IL1RAPL1: variants seen among roughly 807,000 people sequenced by gnomAD.
IL1RAPL1 encodes the protein interleukin 1 receptor accessory protein like 1.
In IL1RAPL1, 3 loss-of-function variants were observed where a neutral mutation model predicts 48.4. The observed-to-expected ratio is 0.06, with a 90% CI of 0.03 to 0.16. The LOEUF is 0.16. IL1RAPL1 is among the 10% of genes least tolerant of loss of function. IL1RAPL1 has a pLI of 1.00. For synonymous variants in IL1RAPL1, 185 were observed against 187.7 expected (o/e 0.99, Z 0.12); for missense variants, 349 against 530.6 (o/e 0.66, Z 3.36).
rs151275828 is a variant in IL1RAPL1 at position 28,811,315 on chromosome X, G to A, written c.82+21890G>A. 4.9e-3 allele frequency among the ~76,000 whole-genome samples: 545 copies of A among 110,841 alleles called. 1 individual carries two copies. Among genetic ancestry groups the A allele is most frequent in the Non-Finnish European group, 7.9e-3 (414 of 52,499 alleles). Reference sequence around the variant, plus strand: ...AAAGTTGCCAATATTATAATGAAGCGCATAGAAAAAGTGTGACCTATTGTA... The same window carrying A: ...AAAGTTGCCAATATTATAATGAAGCACATAGAAAAAGTGTGACCTATTGTA... On this transcript the variant is annotated intron_variant, in intron 2 of 10. Coordinates refer to ENST00000378993, the MANE Select transcript of IL1RAPL1 (RefSeq NM_014271.4).
rs774548926 is a variant in IL1RAPL1, at chrX:28,756,718, C to T, written c.-24-32602C>T. ...TTTCCATTTTTCTGTTTAATTGGAA[C>T]TTACATCAAACTTCTTACTTCCCAG... is the stretch of plus-strand genomic sequence containing the variant. On this transcript the variant is annotated intron_variant, in intron 1 of 10. Coordinates refer to ENST00000378993, the MANE Select transcript of IL1RAPL1 (RefSeq NM_014271.4). Among the ~76,000 whole-genome samples the T allele has an allele frequency of 2.7e-5, 3 of 111,956 alleles. No homozygotes were observed. In the South Asian group the frequency reaches 1.1e-3, roughly 42 times the overall value.
intron 5 of IL1RAPL1, among the ~76,000 whole-genome samples, chrX:29,661,292 A>G (rs1925839181): frequency 1.8e-5 from 2 of 112,294 alleles, no homozygotes; most frequent in African/African-American, 6.5e-5. Flanking sequence ...TCTTTCTTTC[A>G]AATTTGAATG....
rs911412602 is a variant in IL1RAPL1 at position 29,267,283 on chromosome X, T to C, written c.83-15655T>C. ...GAAAAGTTAACACTCTGATAGTGCTTTGTTTATGATTGAATAAGGTCACTT... is the reference window on the plus strand; with the variant it reads ...GAAAAGTTAACACTCTGATAGTGCTCTGTTTATGATTGAATAAGGTCACTT... On this transcript the variant is annotated intron_variant, in intron 2 of 10. Transcript: ENST00000378993. Among the ~76,000 whole-genome samples the C allele has an allele frequency of 2.7e-5, 3 of 112,318 alleles. No individual in the cohort carries two copies. The South Asian group carries it at 1.1e-3, about 41-fold the overall frequency.
chrX:29,562,115 AATCTATCTATCT>A (rs560107095), intron 5 of IL1RAPL1, among the ~76,000 whole-genome samples: 2,694 of 59,708 alleles, frequency 0.045, 65 homozygotes, highest in East Asian at 0.11. Flanking sequence ...CTATCTATCT[AATCTATCTATCT>A]ATCTATCTAT....
intron 2 of IL1RAPL1, among the ~76,000 whole-genome samples, chrX:28,800,282 G>A (rs995713567): frequency 8.9e-6 from 1 of 112,056 alleles, no homozygotes; most frequent in Non-Finnish European, 1.9e-5. Flanking sequence ...CTCATTTTGA[G>A]ATCTGTAACC....
In IL1RAPL1 at chrX:28,767,715, A is replaced by ATGTG. The variant is rs35909020; in HGVS notation, c.-24-21578_-24-21575dup. ...TCTCAATCTTATCTGAGCCTGGGGG[A>ATGTG]TGTGTGTGTGTGTGTGTGTGTGTGT... is the stretch of plus-strand genomic sequence containing the variant. On this transcript the variant is annotated intron_variant, in intron 1 of 10. Coordinates refer to ENST00000378993, the MANE Select transcript of IL1RAPL1 (RefSeq NM_014271.4). 7.5e-3 allele frequency among the ~76,000 whole-genome samples: 768 copies of ATGTG among 101,843 alleles called. 10 individuals are homozygous for ATGTG. Among genetic ancestry groups the ATGTG allele is most frequent in the African/African-American group, 0.026 (721 of 28,255 alleles). The allele number at this position is 101,843 out of a possible 115,157, so 88.4% of individuals were successfully genotyped here.
At chrX:29,919,815 A>G (rs1932831478) in intron 7 of IL1RAPL1, 134 bp from the exon 8 acceptor site, 1 of 612,535 alleles carries the variant, frequency 1.6e-6, no homozygotes, top group African/African-American at 2.2e-5. Flanking sequence ...TTAACACAGC[A>G]TCAATTCATA....
rs753103855 is a variant in IL1RAPL1, at chrX:29,177,547, TACA to T, written c.83-105387_83-105385del. Among the ~76,000 whole-genome samples, 26 of 112,019 alleles carry T rather than the reference TACA, an allele frequency of 2.3e-4. No homozygotes were observed. The East Asian group carries it at 6.8e-3, about 29-fold the overall frequency. On this transcript the variant is annotated intron_variant, in intron 2 of 10. Transcript: ENST00000378993. ...TACATATAAGTACATTTGCATAAAA[TACA>T]ACATTTACAATAAAAGTATTGTTTA...
At chrX:29,597,149 A>ATTTTTTTTTTTTTT (rs35180262) in intron 5 of IL1RAPL1, among the ~76,000 whole-genome samples, 7 of 55,969 alleles carry the variant, frequency 1.3e-4, no homozygotes, top group African/African-American at 4.0e-4. Flanking sequence ...TTTGTTGAGG[A>ATTTTTTTTTTTTTT]TTTTTTTTTT....
chrX:29,345,810 A>G (rs916538436), intron 3 of IL1RAPL1, among the ~76,000 whole-genome samples: 12 of 111,887 alleles, frequency 1.1e-4, no homozygotes, highest in Non-Finnish European at 2.3e-4. Flanking sequence ...ATATGTTTGT[A>G]CAAACATGAA....
intron 5 of IL1RAPL1, among the ~76,000 whole-genome samples, chrX:29,480,291 C>T (rs60339702): frequency 0.031 from 2,383 of 76,515 alleles, 171 homozygotes; most frequent in African/African-American, 0.14. Context: ...CACACATATA[C>T]ATATATATAT....
chrX:29,233,814 G>C (rs1931243328), intron 2 of IL1RAPL1, among the ~76,000 whole-genome samples: 1 of 112,551 alleles, frequency 8.9e-6, no homozygotes, highest in Non-Finnish European at 1.9e-5. Context: ...TTTATCAGGT[G>C]AAAGCCCCTA....
At chrX:28,618,358 G>C (rs2146887104) in intron 1 of IL1RAPL1, among the ~76,000 whole-genome samples, 1 of 112,266 alleles carries the variant, frequency 8.9e-6, no homozygotes, top group Admixed American at 9.5e-5. Context: ...TTTTATCTTA[G>C]AAGAATGAAA....
intron 5 of IL1RAPL1, among the ~76,000 whole-genome samples, chrX:29,460,216 G>A (rs907252959): frequency 8.9e-6 from 1 of 112,117 alleles, no homozygotes; most frequent in Non-Finnish European, 1.9e-5. Context: ...CCTGTGCCCA[G>A]TGCTTCAAGC....
intron 9 of IL1RAPL1, among the ~76,000 whole-genome samples, chrX:29,943,818 G>A (rs1397781274): frequency 8.9e-6 from 1 of 112,146 alleles, no homozygotes; most frequent in South Asian, 3.7e-4. Flanking sequence ...GTGATTCGAA[G>A]TTTCGTTTAG....
intron 2 of IL1RAPL1, among the ~76,000 whole-genome samples, chrX:28,792,206 T>G (rs1936546189): frequency 8.9e-6 from 1 of 111,792 alleles, no homozygotes; most frequent in African/African-American, 3.3e-5. Context: ...AATATTATTT[T>G]TAGTTCACTG....
At chrX:29,175,086 AAAAAAAAAGAG>A (rs1929986850) in intron 2 of IL1RAPL1, among the ~76,000 whole-genome samples, 2 of 109,305 alleles carry the variant, frequency 1.8e-5, no homozygotes, top group African/African-American at 6.6e-5. Context: ...AAAAAAAAAA[AAAAAAAAAGAG>A]AAAAATAGAA....
At chrX:29,898,780 T>G (rs1215637206) in intron 6 of IL1RAPL1, among the ~76,000 whole-genome samples, 1 of 112,088 alleles carries the variant, frequency 8.9e-6, no homozygotes, top group East Asian at 2.8e-4. Flanking sequence ...TTTAATTGAC[T>G]TCCACAACTT....
intron 1 of IL1RAPL1, among the ~76,000 whole-genome samples, chrX:28,633,861 T>C (rs2146894643): frequency 8.9e-6 from 1 of 112,070 alleles, no homozygotes; most frequent in South Asian, 3.7e-4. Flanking sequence ...TTATTTTTAA[T>C]CGAAAAATAA....
Sources: gnomAD v4.1 joint callset for allele counts (sites outside exome capture counted in the v4.1 genomes callset) on GRCh38, gnomAD v4.1.1 for gene constraint, MANE v1.5 for transcripts, NCBI Gene and HGNC (gene_info 2026-07-23, HGNC 2026-07-21) for gene names.